The following RANBP2 variants were observed in gnomAD, a reference collection of about 807,000 sequenced individuals.
The protein encoded by RANBP2 is E3 SUMO-protein ligase RanBP2.
In RANBP2, 57 loss-of-function variants were observed where a neutral mutation model predicts 303.6. The observed-to-expected ratio is 0.19, with a 90% CI of 0.15 to 0.23. The LOEUF (loss-of-function observed/expected upper bound fraction) is 0.23, where lower values mean the gene tolerates loss of function less well. RANBP2 is among the 10% of genes least tolerant of loss of function. The pLI is 1.00. For missense variants in RANBP2, 3,138 were observed against 3,780.8 expected (o/e 0.83, Z 4.46); for synonymous variants, 1,167 against 1,301.5 (o/e 0.90, Z 2.23).
chr2:108,752,224 TTAA>T (rs1675938862), intron 12 of RANBP2, among the ~76,000 whole-genome samples: 1 of 151,866 alleles, frequency 6.6e-6, no homozygotes, highest in Admixed American at 6.6e-5. Flanking sequence ...CTGTTATTCC[TTAA>T]TAATTAAGTT....
the RANBP2 span, among the ~76,000 whole-genome samples, chr2:109,010,523 C>A: frequency 3.3e-5 from 5 of 152,116 alleles, no homozygotes; most frequent in East Asian, 3.9e-4. Context: ...AGTCTGAGAT[C>A]AAGGTGCTGG....
chr2:108,844,367 A>G, the RANBP2 span, among the ~76,000 whole-genome samples: 1 of 151,838 alleles, frequency 6.6e-6, no homozygotes, highest in African/African-American at 2.4e-5. Context: ...TGAGACTGTT[A>G]TTGTATTTCC....
the RANBP2 span, among the ~76,000 whole-genome samples, chr2:109,357,455 A>G: frequency 6.6e-6 from 1 of 152,222 alleles, no homozygotes; most frequent in Non-Finnish European, 1.5e-5. Context: ...TGCTGGGATT[A>G]CAGGCGTGAG....
Position 108,719,491 on chromosome 2 carries a change from C to T in RANBP2, c.-116C>T, listed in dbSNP as rs1193664972. On this transcript the variant is annotated 5_prime_UTR_variant, in exon 1 of 29. Transcript: ENST00000283195. ...GCGCCGCAAGTTCGTCACAGTGGTC[C>T]TCCGCCGGCTACGGCGCTGCGTCAC... 1.3e-6 allele frequency: 2 copies of T among 1,507,508 alleles called. No homozygotes were observed. Among genetic ancestry groups the T allele is most frequent in the Non-Finnish European group, 1.8e-6 (2 of 1,119,080 alleles). The allele number at this position is 1,507,508 out of a possible 1,614,324, so 93.4% of individuals were successfully genotyped here.
the RANBP2 span, among the ~76,000 whole-genome samples, chr2:109,440,505 A>G: frequency 3.5e-3 from 527 of 152,346 alleles, 19 homozygotes; most frequent in East Asian, 0.061. Flanking sequence ...TTTTGTATTT[A>G]AAAGATTGAG....
the RANBP2 span, chr2:108,912,655 C>A: frequency 1.9e-6 from 3 of 1,563,292 alleles, no homozygotes; most frequent in Non-Finnish European, 2.6e-6. Context: ...TCCAGGTGAT[C>A]GATACCTGAG....
the RANBP2 span, chr2:109,614,623 A>C: frequency 6.8e-7 from 1 of 1,462,748 alleles, no homozygotes; most frequent in Non-Finnish European, 9.0e-7. Flanking sequence ...CTAGGCGGCG[A>C]ACCGGAGCAG....
the RANBP2 span, among the ~76,000 whole-genome samples, chr2:109,400,959 T>C: frequency 1.3e-5 from 2 of 152,298 alleles, no homozygotes; most frequent in African/African-American, 4.8e-5. Flanking sequence ...CTGGGCTAAA[T>C]TCTTCTTGAG....
chr2:109,225,829 G>A, the RANBP2 span, among the ~76,000 whole-genome samples: 4 of 152,182 alleles, frequency 2.6e-5, no homozygotes, highest in Admixed American at 1.3e-4. Context: ...GCAGAAGTGC[G>A]ATCCCGGCTC....
chr2:109,188,939 A>G, the RANBP2 span, among the ~76,000 whole-genome samples: 1 of 152,050 alleles, frequency 6.6e-6, no homozygotes, highest in East Asian at 1.9e-4. Context: ...TAATTAAAAA[A>G]AAAACCTGAA....
the RANBP2 span, among the ~76,000 whole-genome samples, chr2:109,694,432 TCTCA>T: frequency 7.0e-6 from 1 of 143,768 alleles, no homozygotes; most frequent in South Asian, 2.2e-4. Context: ...TGAGATGGAA[TCTCA>T]CTCTGTCATC....
At chr2:109,553,301 T>C in the RANBP2 span, 2 of 1,464,102 alleles carry the variant, frequency 1.4e-6, no homozygotes, top group African/African-American at 2.8e-5. Context: ...TCCCAACACT[T>C]TGGGAGGCCG....
the RANBP2 span, among the ~76,000 whole-genome samples, chr2:109,106,832 G>A: frequency 4.0e-5 from 6 of 151,496 alleles, no homozygotes; most frequent in Non-Finnish European, 5.9e-5. Flanking sequence ...GCAAGACTCC[G>A]CCTCAGAAGA....
chr2:108,919,758 G>C, the RANBP2 span, among the ~76,000 whole-genome samples: 2 of 152,188 alleles, frequency 1.3e-5, no homozygotes, highest in Admixed American at 1.3e-4. Context: ...CGGCAGTGTA[G>C]GTCAGCGAGG....
the RANBP2 span, among the ~76,000 whole-genome samples, chr2:108,981,989 C>G: frequency 2.0e-5 from 3 of 152,230 alleles, no homozygotes; most frequent in African/African-American, 7.2e-5. Flanking sequence ...AGAGAATGAA[C>G]AGACGGATGC....
intron 23 of RANBP2, among the ~76,000 whole-genome samples, chr2:108,774,467 C>T (rs985768388): frequency 5.3e-5 from 8 of 151,760 alleles, no homozygotes; most frequent in Non-Finnish European, 8.8e-5. Context: ...ATAGTGAGAC[C>T]GCCTCTTAAA....
the RANBP2 span, among the ~76,000 whole-genome samples, chr2:109,368,716 A>AT: frequency 6.6e-6 from 1 of 150,720 alleles, no homozygotes; most frequent in East Asian, 1.9e-4. Context: ...TTTAAAAAAA[A>AT]AAAAAAAGAA....
the RANBP2 span, among the ~76,000 whole-genome samples, chr2:109,049,619 G>C: frequency 1.3e-5 from 2 of 152,152 alleles, no homozygotes; most frequent in African/African-American, 4.8e-5. Flanking sequence ...TCTTTCTTCT[G>C]ATTTAACAAG....
the RANBP2 span, among the ~76,000 whole-genome samples, chr2:109,078,126 TA>T: frequency 2.1e-4 from 24 of 112,832 alleles, no homozygotes; most frequent in Non-Finnish European, 3.1e-4. Context: ...ATAGCGTGTA[TA>T]TATATATAGC....
Sources: allele counts gnomAD v4.1 joint callset (sites outside exome capture counted in the v4.1 genomes callset), GRCh38; gene constraint gnomAD v4.1.1; transcripts MANE v1.5; gene names NCBI Gene and HGNC (gene_info 2026-07-23, HGNC 2026-07-21).